The following LRRC49 variants were observed in gnomAD, a reference collection of about 807,000 sequenced individuals.
LRRC49 encodes the protein leucine-rich repeat-containing protein 49.
Under a neutral mutation model 83.3 loss-of-function variants are expected in LRRC49, and 50 were observed. The observed-to-expected ratio is 0.60, with a 90% CI of 0.48 to 0.76. LRRC49 has a LOEUF of 0.76. Ranked by LOEUF, LRRC49 falls within the 30% of genes least tolerant of loss-of-function variation. The pLI is 0.00. For synonymous variants in LRRC49, 286 were observed against 283.3 expected, an observed-to-expected ratio of 1.01 and a Z score of -0.10; for missense variants, 704 against 809.1, an observed-to-expected ratio of 0.87 and a Z score of 1.58.
At chr15:70,994,847 G>C (rs1385980934) in intron 11 of LRRC49, among the ~76,000 whole-genome samples, 1 of 152,158 alleles carries the variant, frequency 6.6e-6, no homozygotes, top group African/African-American at 2.4e-5. Context: ...TCACATTTAA[G>C]TTTACTTATT....
At chr15:70,979,668 A>G (rs140410448) in intron 9 of LRRC49, among the ~76,000 whole-genome samples, 13 of 152,184 alleles carry the variant, frequency 8.5e-5, no homozygotes, top group Non-Finnish European at 1.5e-4. Flanking sequence ...AAAGATATTT[A>G]CCCTGGTTTT....
chr15:70,941,094 A>G (rs553329766), intron 8 of LRRC49, among the ~76,000 whole-genome samples: 1 of 152,296 alleles, frequency 6.6e-6, no homozygotes, highest in South Asian at 2.1e-4. Flanking sequence ...ATAGTGCCTT[A>G]GTAGGTCTGA....
At chr15:71,025,713 A>AG (rs1230903609) in intron 14 of LRRC49, among the ~76,000 whole-genome samples, 2 of 151,746 alleles carry the variant, frequency 1.3e-5, no homozygotes, top group African/African-American at 4.8e-5. Flanking sequence ...GAAAGAAAAA[A>AG]AAAAACAGGG....
intron 1 of LRRC49, among the ~76,000 whole-genome samples, chr15:70,871,588 C>T (rs1165098376): frequency 6.6e-6 from 1 of 151,530 alleles, no homozygotes; most frequent in African/African-American, 2.4e-5. Flanking sequence ...GGCTGCCCCC[C>T]ACCTCCTGGA....
chr15:70,924,391 T>G (rs1008777109), intron 7 of LRRC49, among the ~76,000 whole-genome samples: 1 of 151,980 alleles, frequency 6.6e-6, no homozygotes, highest in Non-Finnish European at 1.5e-5. Flanking sequence ...TGTTTTTATT[T>G]TCTTCTGTCT....
chr15:70,864,235 C>T (rs2032862868), intron 1 of LRRC49, among the ~76,000 whole-genome samples: 1 of 152,102 alleles, frequency 6.6e-6, no homozygotes, highest in Non-Finnish European at 1.5e-5. Context: ...AAGAGCTCCC[C>T]CCAGAATGGG....
chr15:70,990,422 A>G (rs2037823634), intron 11 of LRRC49, among the ~76,000 whole-genome samples: 1 of 152,180 alleles, frequency 6.6e-6, no homozygotes, highest in East Asian at 1.9e-4. Context: ...CTCCGTGGGC[A>G]TAGGACCCTC....
intron 1 of LRRC49, among the ~76,000 whole-genome samples, chr15:70,870,140 G>A (rs1219604537): frequency 1.3e-5 from 2 of 152,178 alleles, no homozygotes; most frequent in Non-Finnish European, 2.9e-5. Context: ...TTCTTTTTCT[G>A]TACTAAGCTA....
intron 11 of LRRC49, among the ~76,000 whole-genome samples, chr15:70,990,108 C>G (rs996113802): frequency 7.9e-5 from 12 of 152,190 alleles, no homozygotes; most frequent in African/African-American, 2.9e-4. Flanking sequence ...AGGAGGCAGT[C>G]TGCCCGTTCT....
At chr15:71,046,407 A>T (rs2039856449) in intron 15 of LRRC49, among the ~76,000 whole-genome samples, 1 of 152,110 alleles carries the variant, frequency 6.6e-6, no homozygotes, top group Non-Finnish European at 1.5e-5. Flanking sequence ...AACTGGTGTG[A>T]GATGGTATCT....
chr15:70,985,626 G>T (rs899014149), intron 11 of LRRC49, among the ~76,000 whole-genome samples: 7 of 152,168 alleles, frequency 4.6e-5, no homozygotes, highest in South Asian at 2.1e-4. Flanking sequence ...AGAAGCTCTT[G>T]AGTTCAATTA....
intron 3 of LRRC49, among the ~76,000 whole-genome samples, chr15:70,896,653 G>T (rs1372097857): frequency 1.3e-5 from 2 of 152,220 alleles, no homozygotes; most frequent in African/African-American, 4.8e-5. Context: ...TCTGTAATGT[G>T]CTCATGTTAA....
intron 2 of LRRC49, among the ~76,000 whole-genome samples, chr15:70,873,872 G>C (rs1012382817): frequency 6.6e-6 from 1 of 152,196 alleles, no homozygotes; most frequent in Admixed American, 6.5e-5. Context: ...TTTACCTCTT[G>C]ATGGGAGTGG....
intron 5 of LRRC49, 29 bp downstream of exon 5, chr15:70,904,784 C>A: frequency 6.6e-7 from 1 of 1,510,194 alleles, no homozygotes. Context: ...TTTTTGTAGC[C>A]TAATGTTATG....
intron 9 of LRRC49, among the ~76,000 whole-genome samples, chr15:70,970,195 G>GA (rs1460352794): frequency 2.0e-5 from 3 of 152,122 alleles, no homozygotes; most frequent in African/African-American, 7.2e-5. Context: ...AAGCGGTATT[G>GA]AATTTTTATC....
At chr15:70,936,042 TG>T (rs998595317) in intron 7 of LRRC49, among the ~76,000 whole-genome samples, 1 of 152,182 alleles carries the variant, frequency 6.6e-6, no homozygotes, top group African/African-American at 2.4e-5. Flanking sequence ...TATTTTTTGT[TG>T]TTTTTTTTTA....
intron 9 of LRRC49, among the ~76,000 whole-genome samples, chr15:70,976,678 C>T (rs562488533): frequency 6.6e-6 from 1 of 152,204 alleles, no homozygotes; most frequent in South Asian, 2.1e-4. Flanking sequence ...TTTTTTGTCC[C>T]AGATCCCAGA....
intron 9 of LRRC49, among the ~76,000 whole-genome samples, chr15:70,969,456 G>C (rs2036913481): frequency 2.0e-5 from 3 of 152,264 alleles, no homozygotes; most frequent in Middle Eastern, 6.8e-3. Flanking sequence ...GATTGTCTTG[G>C]CTATATGGGC....
intron 11 of LRRC49, among the ~76,000 whole-genome samples, chr15:71,001,462 T>G (rs979473459): frequency 1.3e-5 from 2 of 152,206 alleles, no homozygotes; most frequent in East Asian, 3.9e-4. Flanking sequence ...GGCTGCCATC[T>G]TTTTCTTATT....
Sources: allele counts gnomAD v4.1 joint callset (sites outside exome capture counted in the v4.1 genomes callset), GRCh38; gene constraint gnomAD v4.1.1; transcripts MANE v1.5; gene names NCBI Gene and HGNC (gene_info 2026-07-23, HGNC 2026-07-21).